Variants in SPEN observed in about 807,000 individuals in gnomAD.
The protein encoded by SPEN is spen family transcriptional repressor, also known as msx2-interacting protein.
In SPEN, 18 loss-of-function variants were observed where a neutral mutation model predicts 269.9. That is an observed-to-expected ratio of 0.07 (90% confidence interval 0.05 to 0.10). The LOEUF (loss-of-function observed/expected upper bound fraction) is 0.10, where lower values mean the gene tolerates loss of function less well. SPEN is among the 10% of genes least tolerant of loss of function. SPEN has a pLI of 1.00. For synonymous variants in SPEN, 1,726 were observed against 1,765.7 expected (o/e 0.98, Z 0.56); for missense variants, 3,822 against 4,631.2 (o/e 0.83, Z 5.07).
At chr1:15,867,598 T>A (rs986127897) in intron 1 of SPEN, among the ~76,000 whole-genome samples, 1 of 152,168 alleles carries the variant, frequency 6.6e-6, no homozygotes, top group South Asian at 2.1e-4. Flanking sequence ...TCTGTATATT[T>A]GTTGTTGTTT....
intron 3 of SPEN, among the ~76,000 whole-genome samples, chr1:15,888,434 C>T (rs1279116748): frequency 6.6e-6 from 1 of 151,928 alleles, no homozygotes; most frequent in Non-Finnish European, 1.5e-5. Context: ...AGTGGTTCTC[C>T]TGCCTTAGCC....
chr1:15,905,013 G>A (rs997777374), intron 3 of SPEN, among the ~76,000 whole-genome samples: 2 of 141,752 alleles, frequency 1.4e-5, no homozygotes, highest in East Asian at 2.1e-4. Context: ...TTCAGCCTCC[G>A]GAGTAGCTGG....
Position 15,934,637 on chromosome 1 carries a change from C to T in SPEN, c.8397C>T (p.Asp2799=), listed in dbSNP as rs1242979533. 7 of 1,613,808 alleles carry T rather than the reference C, an allele frequency of 4.3e-6. No homozygotes were observed. Among genetic ancestry groups the T allele is most frequent in the East Asian group, 4.5e-5 (2 of 44,866 alleles). Residue 2799 remains aspartate (D), a synonymous_variant, in exon 11 of 15, where the codon GAC becomes GAT. Transcript: ENST00000375759. The surrounding 1 kb of genome is among the most constrained non-coding windows in gnomAD (Gnocchi z 9.2). ...CTGTGATCGACGATCGTCCGGCAGA[C>T]GCGGGCTCAGGGGCGGGGCTGCGTG... ...SMPVIDDRPA[D]AGSGAGLRVN...
chr1:15,868,323 G>T (rs951384026), intron 1 of SPEN, among the ~76,000 whole-genome samples: 1 of 151,582 alleles, frequency 6.6e-6, no homozygotes, highest in Admixed American at 6.6e-5. Context: ...TAGAAAATTG[G>T]ATTGTGCTTT....
chr1:15,908,826 C>A (rs544480819), intron 3 of SPEN, among the ~76,000 whole-genome samples: 130 of 152,196 alleles, frequency 8.5e-4, no homozygotes, highest in African/African-American at 3.1e-3. Flanking sequence ...ATACTATTTT[C>A]ATTTAGTTTC....
chr1:15,938,760 C>T lies in SPEN; in HGVS notation c.10747C>T (p.Arg3583Cys), dbSNP rs749521610. 9 of 1,613,788 alleles carry T rather than the reference C, an allele frequency of 5.6e-6. No individual in the cohort carries two copies. Among genetic ancestry groups the T allele is most frequent in the South Asian group, 2.2e-5 (2 of 91,064 alleles). ...YCLLLALPCG[R>C]DQEDVVSQTE... Reference sequence around the variant, plus strand: ...TCTGCTGCTGGCTCTGCCCTGTGGCCGTGACCAAGAGGATGTTGTGAGCCA... The same window carrying T: ...TCTGCTGCTGGCTCTGCCCTGTGGCTGTGACCAAGAGGATGTTGTGAGCCA... Residue 3583 changes from arginine (R) to cysteine (C), a missense_variant, in exon 14 of 15, where the codon CGT becomes TGT. Around this residue, in one of 16 missense-constraint regions of SPEN, gnomAD observed 103 missense variants for 215.8 expected, o/e 0.48. Transcript: ENST00000375759.
chr1:15,919,149 CCTA>C (rs1450521695), intron 7 of SPEN, 98 bp downstream of exon 7: 45 of 1,025,576 alleles, frequency 4.4e-5, no homozygotes, highest in Admixed American at 2.9e-4. Context: ...TATTTAAGAT[CCTA>C]CTAAGACAGA....
At chr1:15,860,380 T>G (rs1416312825) in intron 1 of SPEN, among the ~76,000 whole-genome samples, 5 of 94,038 alleles carry the variant, frequency 5.3e-5, no homozygotes, top group Admixed American at 1.9e-4. Flanking sequence ...GCTTCAGAGG[T>G]GTGTGTGTGT....
Position 15,931,092 on chromosome 1 carries a change from A to G in SPEN, c.4852A>G (p.Lys1618Glu). 6.2e-7 allele frequency: 1 copy of G among 1,614,174 alleles called. No individual in the cohort carries two copies. The highest frequency in any genetic ancestry group is 1.1e-5 in the South Asian group (1 of 91,078). ...ACAGGAAGATACAGAGAATCATCCC[A>G]AGACCCCAGAATCTGCTCCTGAGAA... ...EKQEDTENHP[K>E]TPESAPENKD... Residue 1618 changes from lysine (K) to glutamate (E), a missense_variant, in exon 11 of 15, where the codon AAG (lysine) becomes GAG (glutamate). Physicochemically the swap from Lys to Glu is moderately conservative, Grantham distance 56. Coordinates refer to ENST00000375759, the MANE Select transcript of SPEN (RefSeq NM_015001.3). The surrounding 1 kb of genome is among the most constrained non-coding windows in gnomAD (Gnocchi z 4.8).
At chr1:15,861,915 GCCTGT>G (rs1340825212) in intron 1 of SPEN, among the ~76,000 whole-genome samples, 1 of 152,158 alleles carries the variant, frequency 6.6e-6, no homozygotes, top group East Asian at 1.9e-4. Context: ...GGTAGCACAT[GCCTGT>G]AATCACAGCT....
intron 10 of SPEN, among the ~76,000 whole-genome samples, chr1:15,922,844 GC>G (rs894751385): frequency 1.3e-5 from 2 of 152,014 alleles, no homozygotes; most frequent in Non-Finnish European, 2.9e-5. Context: ...GAACTCCTGG[GC>G]TCAAGCATTC....
At chr1:15,874,596 C>T (rs948021359) in intron 2 of SPEN, among the ~76,000 whole-genome samples, 3 of 152,174 alleles carry the variant, frequency 2.0e-5, no homozygotes, top group African/African-American at 7.2e-5. Context: ...AAAATAGCAG[C>T]TGTAGCAGTA....
At chr1:15,936,316 G>T (rs757966130) in intron 11 of SPEN, 50 bp downstream of exon 11, 4 of 1,491,316 alleles carry the variant, frequency 2.7e-6, no homozygotes, top group Admixed American at 2.3e-5. Flanking sequence ...GTGCTTGTGG[G>T]GCTCAGCAGG....
Position 15,931,707 on chromosome 1 carries a change from C to T in SPEN, c.5467C>T (p.Arg1823Cys), listed in dbSNP as rs895443307. 5 of 1,614,016 alleles carry T rather than the reference C, an allele frequency of 3.1e-6. No homozygotes were observed. The highest frequency in any genetic ancestry group is 2.7e-5 in the African/African-American group (2 of 74,910). ...GGATAAAAAGCCAAACAAAAGCAAG[C>T]GTTCAAAGACCCCTGTTCAGGCAGC... is the stretch of plus-strand genomic sequence containing the variant. ...AKDKKPNKSK[R>C]SKTPVQAAAV... The change falls in exon 11 of 15, where the codon CGT becomes TGT. Residue 1823 changes from arginine (R) to cysteine (C), a missense_variant. Physicochemically the swap from Arg to Cys is radical, Grantham distance 180 (BLOSUM62 -3). Transcript: ENST00000375759. This position sits in a 1 kb window ranked among gnomAD's most constrained non-coding sequence, Gnocchi z 4.8.
At chr1:15,855,899 C>T (rs919039573) in intron 1 of SPEN, among the ~76,000 whole-genome samples, 22 of 150,498 alleles carry the variant, frequency 1.5e-4, no homozygotes, top group African/African-American at 5.4e-4. Context: ...GCAGTGAAGG[C>T]TCATTTGCAT....
rs1412039011 is a variant in SPEN at position 15,929,091 on chromosome 1, G to A, written c.2851G>A (p.Val951Met). 2 of 1,614,232 alleles carry A rather than the reference G, an allele frequency of 1.2e-6. 1 individual carries two copies. The highest frequency in any genetic ancestry group is 2.2e-5 in the South Asian group (2 of 91,086). The stretch of plus-strand genomic sequence containing the variant: ...AAAGGGGCTTTCAAGCCATGTTGAA[G>A]TGGTGGAGAAGGAAGGCAGGCTTAA... ...KEKGLSSHVEVVEKEGRLKAR... is the reference protein window; with the variant it reads ...KEKGLSSHVEMVEKEGRLKAR... The change falls in exon 11 of 15, where the codon GTG becomes ATG. Residue 951 changes from valine to methionine, a missense_variant. Around this residue, in one of 16 missense-constraint regions of SPEN, gnomAD observed 572 missense variants for 582.6 expected, o/e 0.98. Coordinates refer to ENST00000375759, the MANE Select transcript of SPEN (RefSeq NM_015001.3). This position sits in a 1 kb window ranked among gnomAD's most constrained non-coding sequence, Gnocchi z 5.8.
intron 9 of SPEN, among the ~76,000 whole-genome samples, chr1:15,922,045 A>G (rs1358104004): frequency 6.6e-6 from 1 of 152,146 alleles, no homozygotes; most frequent in African/African-American, 2.4e-5. Flanking sequence ...TATAAATTTC[A>G]TTCTTTTATC....
rs1399622539 is a variant in SPEN, at chr1:15,933,996, A to G, written c.7756A>G (p.Thr2586Ala). The G allele has an allele frequency of 1.9e-6, 3 of 1,614,032 alleles. No homozygotes were observed. The highest frequency in any genetic ancestry group is 1.7e-4 in the Middle Eastern group (1 of 6,060). ...CTCTAAAAAGCCTTTAGAAGAAAAA[A>G]CAGCACCTCCAGTGACAAACAACTC... The part of the protein sequence containing the change: ...VDSKKPLEEK[T>A]APPVTNNSEI... Residue 2586 changes from threonine to alanine, a missense_variant, in exon 11 of 15, where the codon ACA becomes GCA. This residue lies in a region of SPEN where 727 missense variants were observed against 737.9 expected (regional missense o/e 0.99). Transcript: ENST00000375759. This position sits in a 1 kb window ranked among gnomAD's most constrained non-coding sequence, Gnocchi z 5.7.
At chr1:15,899,140 C>T (rs1310859662) in intron 3 of SPEN, among the ~76,000 whole-genome samples, 1 of 152,080 alleles carries the variant, frequency 6.6e-6, no homozygotes, top group Non-Finnish European at 1.5e-5. Context: ...CACAAGGGTT[C>T]CAATTTCTTC....
Sources: gnomAD v4.1 joint callset for allele counts (sites outside exome capture counted in the v4.1 genomes callset) on GRCh38, gnomAD v4.1.1 for gene constraint, gnomAD v4.1.1 regional missense constraint, Gnocchi (gnomAD v3.1) non-coding constraint, MANE v1.5 for transcripts, NCBI Gene and HGNC (gene_info 2026-07-23, HGNC 2026-07-21) for gene names.